Variants in KIAA1549L observed in about 807,000 individuals in gnomAD.
The protein encoded by KIAA1549L is KIAA1549 like, also known as UPF0606 protein KIAA1549L.
KIAA1549L carries 88 observed loss-of-function variants against 160.7 expected under a neutral mutation model. The ratio of observed to expected loss-of-function variants is 0.55; its 90% CI spans 0.46 to 0.65. The LOEUF (loss-of-function observed/expected upper bound fraction) is 0.65, where lower values mean the gene tolerates loss of function less well. Among genes scored for constraint, KIAA1549L ranks in the 30% least tolerant of loss-of-function variants. The pLI is 0.00. For synonymous variants in KIAA1549L, 950 were observed against 976.7 expected, an observed-to-expected ratio of 0.97 and a Z score of 0.51; for missense variants, 2,258 against 2,437.5, an observed-to-expected ratio of 0.93 and a Z score of 1.55.
intron 6 of KIAA1549L, among the ~76,000 whole-genome samples, chr11:33,555,645 A>G (rs906868275): frequency 2.6e-5 from 4 of 152,342 alleles, no homozygotes; most frequent in Admixed American, 6.5e-5. Context: ...ACTTAACACC[A>G]TCTACCAAAA....
chr11:33,441,245 T>C (rs1312880660), intron 1 of KIAA1549L, among the ~76,000 whole-genome samples: 14 of 152,096 alleles, frequency 9.2e-5, no homozygotes, highest in Admixed American at 8.5e-4. Flanking sequence ...ACAAAGGACA[T>C]GAACTCATCA....
chr11:33,473,646 T>G (rs1348452205), intron 1 of KIAA1549L, among the ~76,000 whole-genome samples: 1 of 152,178 alleles, frequency 6.6e-6, no homozygotes, highest in Non-Finnish European at 1.5e-5. Context: ...ATTCAAAGGC[T>G]CTCCACCATT....
Position 33,609,963 on chromosome 11 carries a change from A to G in KIAA1549L, c.5276A>G (p.Asn1759Ser), listed in dbSNP as rs754800259. The change falls in exon 15 of 21, where the codon AAC (asparagine) becomes AGC (serine). Residue 1759 changes from asparagine (N) to serine (S), a missense_variant. Asn to Ser is a conservative substitution (Grantham distance 46). Transcript: ENST00000658780. Reference protein sequence around the residue: ...ELCAPFTESKNRQQMKNSVYR... With the variant: ...ELCAPFTESKSRQQMKNSVYR... The stretch of plus-strand genomic sequence containing the variant: ...TGTGCTCCATTCACCGAGTCTAAAA[A>G]CAGGTGCAGTCTCTAAGGGATTCTG... 1.9e-6 allele frequency: 3 copies of G among 1,612,552 alleles called. No individual in the cohort carries two copies. The highest frequency in any genetic ancestry group is 2.5e-6 in the Non-Finnish European group (3 of 1,178,768).
At chr11:33,453,093 G>A (rs1035701549) in intron 1 of KIAA1549L, among the ~76,000 whole-genome samples, 1 of 152,240 alleles carries the variant, frequency 6.6e-6, no homozygotes. Context: ...CATTCTCTGA[G>A]TGACTGACAT....
At chr11:33,529,935 G>A (rs1038211413) in intron 1 of KIAA1549L, among the ~76,000 whole-genome samples, 1 of 152,076 alleles carries the variant, frequency 6.6e-6, no homozygotes, top group Non-Finnish European at 1.5e-5. Context: ...ATGGTGTGAA[G>A]CCCTAGTAAG....
intron 17 of KIAA1549L, among the ~76,000 whole-genome samples, chr11:33,655,281 C>T (rs539793987): frequency 6.6e-6 from 1 of 152,272 alleles, no homozygotes; most frequent in East Asian, 1.9e-4. Context: ...ACAGACTTAC[C>T]TGATCTTCTC....
intron 1 of KIAA1549L, among the ~76,000 whole-genome samples, chr11:33,480,300 A>G (rs1176528150): frequency 6.6e-6 from 1 of 152,042 alleles, no homozygotes; most frequent in East Asian, 1.9e-4. Flanking sequence ...TGCCTATTTG[A>G]TTGGCTTCTT....
chr11:33,562,740 G>A (rs972527505), intron 8 of KIAA1549L, among the ~76,000 whole-genome samples: 4 of 147,656 alleles, frequency 2.7e-5, no homozygotes, highest in Admixed American at 6.9e-5. Context: ...GTGCAATGAC[G>A]CGGTCTCGGC....
At chr11:33,435,784 A>ATGTGTGTGTG (rs1180781136) in intron 1 of KIAA1549L, among the ~76,000 whole-genome samples, 2 of 20,648 alleles carry the variant, frequency 9.7e-5, no homozygotes, top group Non-Finnish European at 1.5e-4. Context: ...ATATATATAT[A>ATGTGTGTGTG]TATATATATA....
At chr11:33,514,038 C>G (rs1853284971) in intron 1 of KIAA1549L, among the ~76,000 whole-genome samples, 1 of 152,220 alleles carries the variant, frequency 6.6e-6, no homozygotes, top group African/African-American at 2.4e-5. Flanking sequence ...TGCTACAGCT[C>G]CCTCTGCACC....
chr11:33,517,426 A>G (rs1853372356), intron 1 of KIAA1549L, among the ~76,000 whole-genome samples: 1 of 152,168 alleles, frequency 6.6e-6, no homozygotes, highest in Non-Finnish European at 1.5e-5. Context: ...ACCTAGGGTA[A>G]TATCCATATC....
chr11:33,628,440 C>G (rs1193556656), intron 16 of KIAA1549L, among the ~76,000 whole-genome samples: 3 of 151,028 alleles, frequency 2.0e-5, no homozygotes, highest in South Asian at 2.1e-4. Context: ...GTAGGTCACT[C>G]AGGACTTGCT....
chr11:33,554,915 A>T (rs539761700), intron 6 of KIAA1549L, among the ~76,000 whole-genome samples: 1 of 152,294 alleles, frequency 6.6e-6, no homozygotes, highest in South Asian at 2.1e-4. Flanking sequence ...GTGAGGGGTA[A>T]GTAAGAGATG....
At chr11:33,641,606 A>G (rs370338407) in intron 16 of KIAA1549L, among the ~76,000 whole-genome samples, 1 of 31,738 alleles carries the variant, frequency 3.2e-5, no homozygotes, top group African/African-American at 3.6e-4. Context: ...ATATATATAT[A>G]TATATATATA....
intron 1 of KIAA1549L, among the ~76,000 whole-genome samples, chr11:33,521,340 C>T (rs1853488106): frequency 6.6e-6 from 1 of 152,194 alleles, no homozygotes; most frequent in South Asian, 2.1e-4. Context: ...AATCACAGCT[C>T]CACCACTTAC....
intron 1 of KIAA1549L, among the ~76,000 whole-genome samples, chr11:33,512,342 A>G (rs1372329941): frequency 6.6e-6 from 1 of 152,252 alleles, no homozygotes; most frequent in Admixed American, 6.5e-5. Flanking sequence ...GACATTTAAA[A>G]AAGTTTTTAC....
intron 1 of KIAA1549L, among the ~76,000 whole-genome samples, chr11:33,531,352 G>A (rs1411415713): frequency 2.0e-5 from 3 of 152,182 alleles, no homozygotes; most frequent in Non-Finnish European, 4.4e-5. Flanking sequence ...GCGGGTGCCT[G>A]TAGTCCCAGC....
intron 1 of KIAA1549L, among the ~76,000 whole-genome samples, chr11:33,513,646 C>A (rs1368140673): frequency 6.6e-6 from 1 of 152,108 alleles, no homozygotes; most frequent in Admixed American, 6.5e-5. Flanking sequence ...AGCTTGCAGC[C>A]CAGTGTCCCC....
rs1165710589 is a variant in KIAA1549L at position 33,559,947 on chromosome 11, TC to T, written c.4018+40del. 2.5e-6 allele frequency: 4 copies of T among 1,597,924 alleles called. No individual in the cohort carries two copies. The African/African-American group carries it at 5.4e-5, about 21-fold the overall frequency. ...CCATGCCTATGGGGACCCCAGTGTT[TC>T]CCCTGTGGCCTTTCTCCATTTAGCA... On this transcript the variant is annotated intron_variant, in intron 7 of 20. Transcript: ENST00000658780.
Sources: gnomAD v4.1 joint callset for allele counts (sites outside exome capture counted in the v4.1 genomes callset) on GRCh38, gnomAD v4.1.1 for gene constraint, MANE v1.5 for transcripts, NCBI Gene and HGNC (gene_info 2026-07-23, HGNC 2026-07-21) for gene names.